Variants in DLGAP2 observed in about 807,000 individuals in gnomAD.
The protein encoded by DLGAP2 is DLG associated protein 2.
DLGAP2 carries 26 observed loss-of-function variants against 100.3 expected under a neutral mutation model. The observed-to-expected ratio is 0.26, with a 90% CI of 0.19 to 0.36. The LOEUF (loss-of-function observed/expected upper bound fraction) is 0.36. Ranked by LOEUF, DLGAP2 falls within the 10% of genes least tolerant of loss-of-function variation. The probability of loss-of-function intolerance (pLI) is 1.00; values close to 1 mark genes in which losing one functional copy is unlikely to be tolerated. For synonymous variants in DLGAP2, 886 were observed against 630.1 expected (o/e 1.41, Z -6.08); for missense variants, 1,858 against 1,453.2 (o/e 1.28, Z -4.53).
chr8:1,471,964 A>C (rs1798813603), intron 3 of DLGAP2, among the ~76,000 whole-genome samples: 1 of 152,200 alleles, frequency 6.6e-6, no homozygotes, highest in African/African-American at 2.4e-5. Flanking sequence ...ATCGTTCTTT[A>C]ATCCTTCATT....
chr8:1,547,157 C>T (rs1296800587), intron 4 of DLGAP2, among the ~76,000 whole-genome samples: 3 of 152,074 alleles, frequency 2.0e-5, no homozygotes, highest in Non-Finnish European at 2.9e-5. Context: ...CTCACAGGGA[C>T]GTGCGGACCG....
At chr8:798,221 T>G (rs1160679687) in intron 1 of DLGAP2, among the ~76,000 whole-genome samples, 4 of 151,478 alleles carry the variant, frequency 2.6e-5, no homozygotes, top group Non-Finnish European at 5.9e-5. Context: ...GGCCAGGTGA[T>G]GGGTGCCTGC....
At chr8:1,588,736 A>G (rs561734512) in intron 6 of DLGAP2, among the ~76,000 whole-genome samples, 41 of 70,176 alleles carry the variant, frequency 5.8e-4, no homozygotes, top group Non-Finnish European at 2.8e-5. Flanking sequence ...AGCTGTCTTT[A>G]CTAAAAAAAA....
At chr8:1,447,008 T>C (rs889094093) in intron 3 of DLGAP2, among the ~76,000 whole-genome samples, 41 of 152,300 alleles carry the variant, frequency 2.7e-4, no homozygotes, top group African/African-American at 9.4e-4. Flanking sequence ...ACAATGGGGT[T>C]TTCTAGATAT....
At chr8:1,355,189 G>C (rs1490359079) in intron 3 of DLGAP2, among the ~76,000 whole-genome samples, 1 of 152,256 alleles carries the variant, frequency 6.6e-6, no homozygotes, top group Non-Finnish European at 1.5e-5. Flanking sequence ...CTGCATGCCC[G>C]TGACAGTGGT....
chr8:819,594 T>A (rs1192547648), intron 1 of DLGAP2, among the ~76,000 whole-genome samples: 1 of 152,214 alleles, frequency 6.6e-6, no homozygotes, highest in East Asian at 1.9e-4. Flanking sequence ...AGATAATTAG[T>A]AACGTTGGGC....
At chr8:1,331,485 G>T (rs1043050740) in intron 3 of DLGAP2, among the ~76,000 whole-genome samples, 1 of 152,184 alleles carries the variant, frequency 6.6e-6, no homozygotes, top group African/African-American at 2.4e-5. Flanking sequence ...CTCCTGCCCA[G>T]GGAAGCCTTT....
chr8:1,321,314 G>A (rs1204638862), intron 3 of DLGAP2, among the ~76,000 whole-genome samples: 1 of 151,620 alleles, frequency 6.6e-6, no homozygotes, highest in Non-Finnish European at 1.5e-5. Context: ...GTGTGTCTCT[G>A]CGTGTGCGTG....
rs1385230525 is a variant in DLGAP2, at chr8:1,494,041, T to TCG, written c.107-7324_107-7323dup. ...AGGGCCCCTGCCCTCCCATTCTGCA[T>TCG]CGGGGGGGGCAGTAGGATGAACCCA... On this transcript the variant is annotated intron_variant, in intron 3 of 14. Transcript: ENST00000637795. Among the ~76,000 whole-genome samples, 411 of 96,672 alleles carry TCG rather than the reference T, an allele frequency of 4.3e-3. 1 individual carries two copies. The highest frequency in any genetic ancestry group is 0.015 in the African/African-American group (394 of 26,872). 63.4% of individuals were successfully genotyped at this position (96,672 alleles called of 152,430 possible). A position where few individuals can be genotyped will look rare whatever the true frequency, so the allele number is the denominator to read the frequency against.
At chr8:1,598,897 GTCTTA>G (rs1170634676) in intron 6 of DLGAP2, among the ~76,000 whole-genome samples, 1 of 151,908 alleles carries the variant, frequency 6.6e-6, no homozygotes, top group Non-Finnish European at 1.5e-5. Context: ...GTTATTTCTT[GTCTTA>G]TCTTAGCTTT....
At position 1,417,726 on chromosome 8, in the gene DLGAP2, G is replaced by GGGGGCCACGGGGAGCCCC. The variant is rs1796967566; in HGVS notation, c.107-83640_107-83639insGGGGCCACGGGGAGCCCC. 5.5e-4 allele frequency among the ~76,000 whole-genome samples: 78 copies of GGGGGCCACGGGGAGCCCC among 142,530 alleles called. 1 individual carries two copies. Among genetic ancestry groups the GGGGGCCACGGGGAGCCCC allele is most frequent in the Non-Finnish European group, 7.6e-4 (49 of 64,846 alleles). The allele number at this position is 142,530 out of a possible 152,430, so 93.5% of individuals were successfully genotyped here. On this transcript the variant is annotated intron_variant, in intron 3 of 14. Transcript: ENST00000637795. ...TCCTGCCTCACTCGGCGAGGCTCCA[G>GGGGGCCACGGGGAGCCCC]ACACAGAAGCCCACGGAGACCTATG...
At chr8:898,816 T>C (rs1370078936) in intron 1 of DLGAP2, among the ~76,000 whole-genome samples, 2 of 152,180 alleles carry the variant, frequency 1.3e-5, no homozygotes, top group South Asian at 2.1e-4. Context: ...CCGTGTAAAA[T>C]GGAGTTTCAG....
intron 3 of DLGAP2, among the ~76,000 whole-genome samples, chr8:1,475,507 G>T (rs1485348335): frequency 6.6e-6 from 1 of 152,136 alleles, no homozygotes; most frequent in Non-Finnish European, 1.5e-5. Context: ...CTTTGGAGGT[G>T]CCCCGCTGAT....
chr8:1,367,141 T>A (rs763152786), intron 3 of DLGAP2, among the ~76,000 whole-genome samples: 1 of 152,242 alleles, frequency 6.6e-6, no homozygotes, highest in African/African-American at 2.4e-5. Flanking sequence ...ATATGACTTA[T>A]GAACTGCAGA....
At chr8:1,622,496 G>C (rs13262273) in intron 6 of DLGAP2, 2,172 of 152,278 alleles carry the variant, frequency 0.014, 27 homozygotes, top group Non-Finnish European at 0.02. Flanking sequence ...AAGTCACAGA[G>C]GAGGTTCTGA....
intron 1 of DLGAP2, among the ~76,000 whole-genome samples, chr8:865,180 C>T (rs936815773): frequency 3.9e-5 from 6 of 152,186 alleles, no homozygotes; most frequent in Non-Finnish European, 7.3e-5. Flanking sequence ...CGGGTGCCCT[C>T]GCTGGACACG....
intron 1 of DLGAP2, chr8:739,776 A>T (rs976271701): frequency 2.0e-5 from 3 of 152,178 alleles, no homozygotes; most frequent in Non-Finnish European, 2.9e-5. Flanking sequence ...TGACTTTTTC[A>T]TTGCTTGGAA....
intron 12 of DLGAP2, among the ~76,000 whole-genome samples, chr8:1,682,421 T>C (rs1798974092): frequency 6.6e-6 from 1 of 152,164 alleles, no homozygotes; most frequent in African/African-American, 2.4e-5. Context: ...AAATTGAATT[T>C]GATGACGTAT....
At chr8:1,158,237 G>T (rs1230112603) in intron 2 of DLGAP2, among the ~76,000 whole-genome samples, 1 of 152,146 alleles carries the variant, frequency 6.6e-6, no homozygotes, top group Non-Finnish European at 1.5e-5. Context: ...ATAACTTTTT[G>T]AATTAAAATG....
Sources: gnomAD v4.1 joint callset for allele counts (sites outside exome capture counted in the v4.1 genomes callset) on GRCh38, gnomAD v4.1.1 for gene constraint, MANE v1.5 for transcripts, NCBI Gene and HGNC (gene_info 2026-07-23, HGNC 2026-07-21) for gene names.